CHN2: variants seen among roughly 807,000 people sequenced by gnomAD.
CHN2 encodes the protein beta-chimaerin.
A neutral mutation model predicts 56.3 loss-of-function variants in CHN2; 35 were observed. The ratio of observed to expected loss-of-function variants is 0.62; its 90% CI spans 0.47 to 0.82. CHN2 has a LOEUF of 0.82. Ranked by LOEUF, CHN2 falls within the 40% of genes least tolerant of loss-of-function variation. The pLI is 0.00. For synonymous variants in CHN2, 210 were observed against 212.8 expected (o/e 0.99, Z 0.12); for missense variants, 491 against 580.5 (o/e 0.85, Z 1.58).
chr7:29,420,816 C>CTTT (rs56050438), intron 6 of CHN2, among the ~76,000 whole-genome samples: 8 of 146,414 alleles, frequency 5.5e-5, no homozygotes, highest in Non-Finnish European at 9.0e-5. Context: ...TCTTTTCTTT[C>CTTT]TTTTTTTTTT....
intron 1 of CHN2, among the ~76,000 whole-genome samples, chr7:29,277,465 C>A (rs1791328008): frequency 6.6e-6 from 1 of 152,166 alleles, no homozygotes; most frequent in Admixed American, 6.5e-5. Context: ...GCTCCACAGC[C>A]CCGGTATGTG....
chr7:29,340,957 C>T (rs1052150838), intron 1 of CHN2, among the ~76,000 whole-genome samples: 1 of 152,120 alleles, frequency 6.6e-6, no homozygotes, highest in African/African-American at 2.4e-5. Flanking sequence ...AGCTGCTAGG[C>T]GACTGAGAAT....
chr7:29,407,156 C>T (rs1392392023), intron 6 of CHN2, among the ~76,000 whole-genome samples: 2 of 152,156 alleles, frequency 1.3e-5, no homozygotes, highest in Non-Finnish European at 2.9e-5. Flanking sequence ...TCTCATGCAA[C>T]CCTTCTGTTT....
At chr7:29,168,216 GTTTA>G (rs1406689522) in intron 2 of CHN2, among the ~76,000 whole-genome samples, 1 of 152,090 alleles carries the variant, frequency 6.6e-6, no homozygotes, top group African/African-American at 2.4e-5. Context: ...TAAAATGTCG[GTTTA>G]TTTGTTTGTT....
intron 9 of CHN2, 66 bp downstream of exon 9, chr7:29,500,106 G>A (rs1789789934): frequency 7.8e-7 from 1 of 1,284,690 alleles, no homozygotes; most frequent in Non-Finnish European, 1.0e-6. Flanking sequence ...TTTTACTGTT[G>A]TCAAGGAAAC....
intron 2 of CHN2, among the ~76,000 whole-genome samples, chr7:29,162,661 C>CAA (rs35159645): frequency 1.2e-4 from 7 of 58,308 alleles, no homozygotes; most frequent in Non-Finnish European, 1.8e-4. Flanking sequence ...AACTCCATCT[C>CAA]AAAAAAAAAA....
chr7:29,338,189 A>G (rs1796767665), intron 1 of CHN2, among the ~76,000 whole-genome samples: 1 of 152,208 alleles, frequency 6.6e-6, no homozygotes, highest in Admixed American at 6.5e-5. Flanking sequence ...CAAGATGACT[A>G]TTGGGTGTAC....
At chr7:29,215,294 A>G (rs551229034) in intron 1 of CHN2, among the ~76,000 whole-genome samples, 2 of 152,280 alleles carry the variant, frequency 1.3e-5, no homozygotes, top group South Asian at 4.1e-4. Flanking sequence ...CAGCCCTTAG[A>G]CAGAAAAGAA....
At chr7:29,477,768 C>T (rs1786719490) in intron 6 of CHN2, among the ~76,000 whole-genome samples, 1 of 152,242 alleles carries the variant, frequency 6.6e-6, no homozygotes, top group African/African-American at 2.4e-5. Context: ...GGAACCTTGT[C>T]TTTGGAAGCT....
chr7:29,194,843 G>A lies in CHN2; in HGVS notation c.-99G>A, dbSNP rs1014078806. The A allele has an allele frequency of 6.9e-6, 8 of 1,164,386 alleles. No individual in the cohort carries two copies. Among genetic ancestry groups the A allele is most frequent in the Non-Finnish European group, 8.9e-6 (8 of 896,418 alleles). The allele number at this position is 1,164,386 out of a possible 1,614,324, so 72.1% of individuals were successfully genotyped here. ...CTGCGCGTCCCCAGGACTTTGCCATGGGCTGGGGGCCGCGGAGGCTGCGAG... is the reference window on the plus strand; with the variant it reads ...CTGCGCGTCCCCAGGACTTTGCCATAGGCTGGGGGCCGCGGAGGCTGCGAG... On this transcript the variant is annotated 5_prime_UTR_variant, in exon 1 of 13. The change abolishes an upstream ATG in the 5' untranslated region. Coordinates refer to ENST00000222792, the MANE Select transcript of CHN2 (RefSeq NM_004067.4).
At chr7:29,276,372 G>A (rs1330132491) in intron 1 of CHN2, among the ~76,000 whole-genome samples, 1 of 152,160 alleles carries the variant, frequency 6.6e-6, no homozygotes, top group East Asian at 1.9e-4. Flanking sequence ...CTGTCCCATG[G>A]GGCCTGGATA....
At chr7:29,503,225 C>T (rs937475169) in intron 9 of CHN2, among the ~76,000 whole-genome samples, 22 of 152,128 alleles carry the variant, frequency 1.4e-4, no homozygotes, top group African/African-American at 4.3e-4. Context: ...TGAGAAGAGA[C>T]ACCAAAGAGC....
chr7:29,469,365 A>T (rs1785837510), intron 6 of CHN2, among the ~76,000 whole-genome samples: 1 of 152,162 alleles, frequency 6.6e-6, no homozygotes, highest in Admixed American at 6.5e-5. Flanking sequence ...ATGCTTTTGT[A>T]AAGTCATTCA....
intron 4 of CHN2, among the ~76,000 whole-genome samples, chr7:29,396,265 A>G (rs924284570): frequency 4.0e-5 from 6 of 151,874 alleles, no homozygotes; most frequent in Admixed American, 2.0e-4. Flanking sequence ...CAACATGGTG[A>G]GACCCGCCCC....
intron 2 of CHN2, among the ~76,000 whole-genome samples, chr7:29,163,698 C>T (rs1279726835): frequency 6.6e-6 from 1 of 152,168 alleles, no homozygotes; most frequent in Non-Finnish European, 1.5e-5. Flanking sequence ...TTCCTCCCTC[C>T]TGCCATCTCT....
intron 1 of CHN2, among the ~76,000 whole-genome samples, chr7:29,295,209 G>A (rs933236762): frequency 6.6e-6 from 1 of 151,918 alleles, no homozygotes; most frequent in African/African-American, 2.4e-5. Flanking sequence ...AGTACAGATG[G>A]AACCATCCAT....
chr7:29,179,139 C>T (rs1196913521), intron 2 of CHN2, among the ~76,000 whole-genome samples: 1 of 152,166 alleles, frequency 6.6e-6, no homozygotes, highest in East Asian at 1.9e-4. Flanking sequence ...AAAACAGCCC[C>T]TCCATTTTCT....
Position 29,513,209 on chromosome 7 carries a change from A to G in CHN2, c.*474A>G, listed in dbSNP as rs1190477833. 6 of 156,250 alleles carry G rather than the reference A, an allele frequency of 3.8e-5. No individual in the cohort carries two copies. The highest frequency in any genetic ancestry group is 3.8e-4 in the East Asian group (2 of 5,310). The allele number at this position is 156,250 out of a possible 1,614,324, so 9.7% of individuals were successfully genotyped here. A position where few individuals can be genotyped will look rare whatever the true frequency, so the allele number is the denominator to read the frequency against. ...TGTTATTTTTAGCAAATAGAACTCA[A>G]TGCAGTGCATTGGTTATTACCCTGT... On this transcript the variant is annotated 3_prime_UTR_variant, in exon 13 of 13. Transcript: ENST00000222792.
At chr7:29,359,824 A>G (rs111888793) in intron 2 of CHN2, among the ~76,000 whole-genome samples, 1,571 of 152,324 alleles carry the variant, frequency 0.01, 24 homozygotes, top group African/African-American at 0.033. Flanking sequence ...TCAAAAGCCA[A>G]TCACCATGGT....
Sources: allele counts gnomAD v4.1 joint callset (sites outside exome capture counted in the v4.1 genomes callset), GRCh38; gene constraint gnomAD v4.1.1; transcripts MANE v1.5; gene names NCBI Gene and HGNC (gene_info 2026-07-23, HGNC 2026-07-21).